Variants in SLC35F4 observed in about 807,000 individuals in gnomAD.
SLC35F4 encodes the protein solute carrier family 35 member F4, also known as chromosome 14 open reading frame 36.
Under a neutral mutation model 44.2 loss-of-function variants are expected in SLC35F4, and 24 were observed. The ratio of observed to expected loss-of-function variants is 0.54; its 90% CI spans 0.39 to 0.76. The LOEUF (loss-of-function observed/expected upper bound fraction) is 0.76, where lower values mean the gene tolerates loss of function less well. Among genes scored for constraint, SLC35F4 ranks in the 30% least tolerant of loss-of-function variants. The pLI, the probability that SLC35F4 is intolerant of heterozygous loss-of-function variation, is 0.00. For missense variants in SLC35F4, 562 were observed against 586.1 expected (o/e 0.96, Z 0.42); for synonymous variants, 238 against 223.6 (o/e 1.06, Z -0.57).
At chr14:57,756,644 A>C (rs1230385581) in intron 1 of SLC35F4, among the ~76,000 whole-genome samples, 1 of 151,814 alleles carries the variant, frequency 6.6e-6, no homozygotes, top group African/African-American at 2.4e-5. Context: ...CTGACTTTTT[A>C]TCTACTTGTT....
intron 1 of SLC35F4, among the ~76,000 whole-genome samples, chr14:57,720,341 C>T (rs2076052673): frequency 6.6e-6 from 1 of 152,102 alleles, no homozygotes; most frequent in South Asian, 2.1e-4. Flanking sequence ...GTACTACTGG[C>T]CTCATAGAGT....
At chr14:57,906,980 T>G (rs532360424) in intron 1 of SLC35F4, among the ~76,000 whole-genome samples, 1 of 152,362 alleles carries the variant, frequency 6.6e-6, no homozygotes, top group Non-Finnish European at 1.5e-5. Context: ...TAACCAATAT[T>G]CTTCAGGCAT....
At chr14:57,576,167 A>C (rs908654864) in intron 4 of SLC35F4, among the ~76,000 whole-genome samples, 2 of 152,156 alleles carry the variant, frequency 1.3e-5, no homozygotes, top group East Asian at 3.9e-4. Context: ...TTTAGGGTCC[A>C]AGGCATTGGA....
chr14:57,763,178 A>T (rs1325555302), intron 1 of SLC35F4, among the ~76,000 whole-genome samples: 1 of 152,138 alleles, frequency 6.6e-6, no homozygotes, highest in Non-Finnish European at 1.5e-5. Flanking sequence ...CATTCACTTT[A>T]TATGTGTAAG....
intron 1 of SLC35F4, among the ~76,000 whole-genome samples, chr14:57,680,976 A>G (rs1227964037): frequency 2.0e-5 from 3 of 152,142 alleles, no homozygotes; most frequent in Non-Finnish European, 4.4e-5. Flanking sequence ...TGTTCTTCCC[A>G]TCAAGCTACC....
At chr14:57,871,866 A>C (rs561612616) in intron 1 of SLC35F4, among the ~76,000 whole-genome samples, 1 of 152,370 alleles carries the variant, frequency 6.6e-6, no homozygotes, top group East Asian at 1.9e-4. Context: ...AAAGTTACTA[A>C]AAACTGTAAT....
intron 1 of SLC35F4, among the ~76,000 whole-genome samples, chr14:57,914,183 C>T (rs1440139059): frequency 6.6e-6 from 1 of 152,160 alleles, no homozygotes; most frequent in African/African-American, 2.4e-5. Context: ...CATCATCTGT[C>T]ACAGGTCATC....
intron 1 of SLC35F4, among the ~76,000 whole-genome samples, chr14:57,872,942 A>T (rs1260114057): frequency 1.3e-5 from 2 of 152,190 alleles, no homozygotes; most frequent in African/African-American, 2.4e-5. Flanking sequence ...GGTCACTGGC[A>T]CATACCCCTG....
intron 1 of SLC35F4, among the ~76,000 whole-genome samples, chr14:57,752,768 T>C (rs1360789081): frequency 6.6e-6 from 1 of 152,174 alleles, no homozygotes; most frequent in Non-Finnish European, 1.5e-5. Context: ...CGGAAAGCCT[T>C]GTCTTTTGTA....
chr14:57,948,025 C>A (rs909050997), intron 1 of SLC35F4, among the ~76,000 whole-genome samples: 1 of 151,932 alleles, frequency 6.6e-6, no homozygotes, highest in African/African-American at 2.4e-5. Context: ...GGCATTAGGG[C>A]GATACTGGCT....
chr14:57,932,592 T>C (rs570774394), intron 1 of SLC35F4, among the ~76,000 whole-genome samples: 48 of 152,142 alleles, frequency 3.2e-4, no homozygotes, highest in Non-Finnish European at 6.6e-4. Context: ...CTCACACCTG[T>C]AATCCCAACA....
chr14:57,661,056 C>A (rs945948688), intron 1 of SLC35F4, among the ~76,000 whole-genome samples: 3 of 152,326 alleles, frequency 2.0e-5, no homozygotes, highest in Non-Finnish European at 4.4e-5. Flanking sequence ...AATAGTTTCA[C>A]ACAAAATTAA....
At chr14:57,975,444 G>A (rs2141097512), downstream of SLC35F4, among the ~76,000 whole-genome samples, 1 of 152,306 alleles carries the variant, frequency 6.6e-6, no homozygotes, top group South Asian at 2.1e-4. Flanking sequence ...CGTGGGAAAA[G>A]CTCACACAAT....
intron 1 of SLC35F4, among the ~76,000 whole-genome samples, chr14:57,941,465 T>C (rs1220575594): frequency 6.6e-6 from 1 of 152,222 alleles, no homozygotes; most frequent in East Asian, 1.9e-4. Context: ...ATTCCATTTA[T>C]ATGAAATTTT....
intron 1 of SLC35F4, among the ~76,000 whole-genome samples, chr14:57,675,565 T>G (rs529741383): frequency 3.9e-5 from 6 of 152,180 alleles, no homozygotes; most frequent in African/African-American, 1.4e-4. Flanking sequence ...CTATAAGTGG[T>G]GAAAGTGGGC....
At chr14:57,898,376 C>A (rs1412751729) in intron 1 of SLC35F4, among the ~76,000 whole-genome samples, 1 of 152,148 alleles carries the variant, frequency 6.6e-6, no homozygotes, top group African/African-American at 2.4e-5. Flanking sequence ...TTAGGACATA[C>A]AACGATTTTC....
At chr14:57,754,757 T>G (rs1262739393) in intron 1 of SLC35F4, among the ~76,000 whole-genome samples, 2 of 152,084 alleles carry the variant, frequency 1.3e-5, no homozygotes, top group African/African-American at 4.8e-5. Context: ...AAGATAAGAA[T>G]CAGTGAAATA....
chr14:57,587,947 C>T (rs1227900230), intron 3 of SLC35F4, among the ~76,000 whole-genome samples: 4 of 150,392 alleles, frequency 2.7e-5, no homozygotes, highest in Middle Eastern at 3.3e-3. Context: ...GTACTTTGGG[C>T]GGCCAAGGTG....
intron 4 of SLC35F4, chr14:57,579,546 A>G (rs2069086818): frequency 6.6e-6 from 1 of 152,132 alleles, no homozygotes; most frequent in Non-Finnish European, 1.5e-5. Context: ...TAATGTTGGT[A>G]TTTGCACGCC....
Sources: allele counts gnomAD v4.1 joint callset (sites outside exome capture counted in the v4.1 genomes callset), GRCh38; gene constraint gnomAD v4.1.1; transcripts MANE v1.5; gene names NCBI Gene and HGNC (gene_info 2026-07-23, HGNC 2026-07-21).